Variants in NBEAL1 observed in about 807,000 individuals in gnomAD.
The protein encoded by NBEAL1 is neurobeachin-like protein 1.
NBEAL1 carries 273 observed loss-of-function variants against 351.3 expected under a neutral mutation model. That is an observed-to-expected ratio of 0.78 (90% CI 0.70 to 0.86). The LOEUF (loss-of-function observed/expected upper bound fraction) is 0.86. Among genes scored for constraint, NBEAL1 ranks in the 40% least tolerant of loss-of-function variants. The pLI is 0.00. For synonymous variants in NBEAL1, 1,050 were observed against 1,086.4 expected, an observed-to-expected ratio of 0.97 and a Z score of 0.66; for missense variants, 2,961 against 3,201.3, an observed-to-expected ratio of 0.92 and a Z score of 1.81.
At chr2:203,133,611 TTCTC>T (rs1032357795) in intron 27 of NBEAL1, among the ~76,000 whole-genome samples, 4 of 151,838 alleles carry the variant, frequency 2.6e-5, no homozygotes, top group Admixed American at 6.6e-5. Context: ...GATCATAACT[TTCTC>T]TGTCCTCCAC....
intron 34 of NBEAL1, among the ~76,000 whole-genome samples, chr2:203,151,191 C>T (rs2063641131): frequency 1.3e-5 from 2 of 151,938 alleles, no homozygotes; most frequent in Non-Finnish European, 2.9e-5. Context: ...ATTAGCTGGG[C>T]GTAGGGGCAC....
chr2:203,188,036 A>T (rs2064961754), intron 44 of NBEAL1, among the ~76,000 whole-genome samples: 1 of 152,108 alleles, frequency 6.6e-6, no homozygotes. Flanking sequence ...TGAGGGAGAG[A>T]ATGATTTGCA....
intron 35 of NBEAL1, among the ~76,000 whole-genome samples, chr2:203,153,355 G>A (rs1368389076): frequency 1.4e-5 from 2 of 143,282 alleles, no homozygotes; most frequent in African/African-American, 5.2e-5. Context: ...TTGCCAGGCT[G>A]GTCTTGAACT....
At chr2:203,065,885 G>A (rs1159565933) in intron 6 of NBEAL1, among the ~76,000 whole-genome samples, 1 of 152,128 alleles carries the variant, frequency 6.6e-6, no homozygotes, top group Non-Finnish European at 1.5e-5. Flanking sequence ...TAGATGCTTG[G>A]CCCAAATATC....
At chr2:203,106,490 G>A (rs2062442386) in intron 12 of NBEAL1, among the ~76,000 whole-genome samples, 1 of 152,104 alleles carries the variant, frequency 6.6e-6, no homozygotes, top group Non-Finnish European at 1.5e-5. Context: ...CTGTACGATG[G>A]AAACCATTTT....
intron 45 of NBEAL1, 103 bp downstream of exon 45, chr2:203,188,692 A>AT (rs972530340): frequency 7.8e-6 from 5 of 640,782 alleles, no homozygotes; most frequent in Non-Finnish European, 1.3e-5. Context: ...GAAAGACTAC[A>AT]TTTTAAAAAC....
Position 203,032,780 on chromosome 2 carries a change from T to C in NBEAL1, c.52-8985T>C, listed in dbSNP as rs913126401. ...CCTGGGCTCAAGTGATTCTCCTGCC[T>C]CAGCCTCCCGAGTAGCTGGGACTAC... On this transcript the variant is annotated intron_variant, in intron 2 of 55. Transcript: ENST00000683969. Among the ~76,000 whole-genome samples, 17 of 135,814 alleles carry C rather than the reference T, an allele frequency of 1.3e-4. No individual in the cohort carries two copies. The South Asian group carries it at 1.9e-3, about 15-fold the overall frequency. 89.1% of individuals were successfully genotyped at this position (135,814 alleles called of 152,430 possible). A position where few individuals can be genotyped will look rare whatever the true frequency, so the allele number is the denominator to read the frequency against.
intron 3 of NBEAL1, among the ~76,000 whole-genome samples, chr2:203,042,585 C>CTT (rs769416087): frequency 2.9e-5 from 4 of 137,458 alleles, no homozygotes; most frequent in Non-Finnish European, 4.8e-5. Context: ...AATGCTTGTT[C>CTT]TTTTTTTTTT....
intron 45 of NBEAL1, among the ~76,000 whole-genome samples, 153 bp downstream of exon 45, chr2:203,188,742 TG>T (rs772813058): frequency 2.6e-5 from 4 of 152,210 alleles, no homozygotes; most frequent in African/African-American, 4.8e-5. Flanking sequence ...CTGCTTTTTT[TG>T]TAATAGTAGT....
At chr2:203,024,762 T>C (rs1022066105) in intron 2 of NBEAL1, among the ~76,000 whole-genome samples, 10 of 151,772 alleles carry the variant, frequency 6.6e-5, no homozygotes, top group African/African-American at 9.7e-5. Flanking sequence ...CTCAGGAGGC[T>C]GAGGCAGGAG....
Position 203,017,323 on chromosome 2 carries a change from A to G in NBEAL1, c.51+888A>G, listed in dbSNP as rs572239750. ...TCTGCATTATCCTTTCATGCTCCTT[A>G]AAAGGCAGATTATTATTTAACAGTG... On this transcript the variant is annotated intron_variant, in intron 2 of 55. Transcript: ENST00000683969. Among the ~76,000 whole-genome samples, 25 of 152,318 alleles carry G rather than the reference A, an allele frequency of 1.6e-4. No individual in the cohort carries two copies. The South Asian group carries it at 5.2e-3, about 32-fold the overall frequency.
At chr2:203,177,081 G>T (rs956463716) in intron 42 of NBEAL1, among the ~76,000 whole-genome samples, 2 of 150,054 alleles carry the variant, frequency 1.3e-5, no homozygotes, top group African/African-American at 4.9e-5. Flanking sequence ...AACCCAGGAG[G>T]TCGAGGCTAT....
intron 6 of NBEAL1, among the ~76,000 whole-genome samples, chr2:203,060,388 T>A (rs141416868): frequency 8.5e-5 from 13 of 152,108 alleles, no homozygotes; most frequent in Admixed American, 7.9e-4. Context: ...AGAAAACATA[T>A]ACGGATAACC....
intron 53 of NBEAL1, among the ~76,000 whole-genome samples, chr2:203,209,850 G>A (rs893597065): frequency 2.0e-5 from 3 of 151,984 alleles, no homozygotes; most frequent in South Asian, 2.1e-4. Flanking sequence ...CTGGGCTTAT[G>A]TGATACTTCT....
chr2:203,152,026 C>T (rs1350213589), intron 35 of NBEAL1, among the ~76,000 whole-genome samples: 6 of 151,904 alleles, frequency 3.9e-5, no homozygotes, highest in African/African-American at 1.2e-4. Flanking sequence ...GGCGCAATCT[C>T]GGCTCACTGC....
At chr2:203,200,670 G>T (rs2065372852) in intron 49 of NBEAL1, among the ~76,000 whole-genome samples, 1 of 152,062 alleles carries the variant, frequency 6.6e-6, no homozygotes, top group Non-Finnish European at 1.5e-5. Flanking sequence ...CTTCAGCCTG[G>T]ACGACAGAGC....
intron 2 of NBEAL1, among the ~76,000 whole-genome samples, chr2:203,030,168 A>G (rs1454030037): frequency 6.6e-6 from 1 of 152,224 alleles, no homozygotes; most frequent in Non-Finnish European, 1.5e-5. Context: ...AATAAGGTAG[A>G]CTAGGTTGTT....
intron 2 of NBEAL1, among the ~76,000 whole-genome samples, chr2:203,020,992 C>T (rs1364247134): frequency 6.6e-6 from 1 of 152,156 alleles, no homozygotes; most frequent in Non-Finnish European, 1.5e-5. Flanking sequence ...CCAATCTCAG[C>T]TCACCACAAC....
At chr2:203,095,609 T>A (rs183256190) in intron 10 of NBEAL1, among the ~76,000 whole-genome samples, 2 of 151,978 alleles carry the variant, frequency 1.3e-5, no homozygotes, top group African/African-American at 4.8e-5. Flanking sequence ...GTTTTAAAGA[T>A]TCTTCTTACG....
Sources: allele counts gnomAD v4.1 joint callset (sites outside exome capture counted in the v4.1 genomes callset), GRCh38; gene constraint gnomAD v4.1.1; transcripts MANE v1.5; gene names NCBI Gene and HGNC (gene_info 2026-07-23, HGNC 2026-07-21).